Variants in PDGFRL observed in about 807,000 individuals in gnomAD.
The protein encoded by PDGFRL is platelet-derived growth factor receptor-like protein.
In PDGFRL, 46 loss-of-function variants were observed where a neutral mutation model predicts 37.2. The observed-to-expected ratio is 1.24, with a 90% confidence interval of 0.98 to 1.58. The LOEUF is 1.58. Ranked by LOEUF, PDGFRL falls within the 40% of genes most tolerant of loss-of-function variation. The pLI, the probability that PDGFRL is intolerant of heterozygous loss-of-function variation, is 0.00. For synonymous variants in PDGFRL, 251 were observed against 184.3 expected, an observed-to-expected ratio of 1.36 and a Z score of -2.93; for missense variants, 692 against 467.6, an observed-to-expected ratio of 1.48 and a Z score of -4.43.
At chr8:17,590,998 T>C (rs886927194) in intron 2 of PDGFRL, among the ~76,000 whole-genome samples, 6 of 151,404 alleles carry the variant, frequency 4.0e-5, no homozygotes, top group African/African-American at 1.5e-4. Flanking sequence ...TTCTCCTGCC[T>C]CAGCCTCCCA....
At chr8:17,626,964 G>C (rs1389644032) in intron 3 of PDGFRL, among the ~76,000 whole-genome samples, 1 of 152,218 alleles carries the variant, frequency 6.6e-6, no homozygotes, top group East Asian at 1.9e-4. Flanking sequence ...GCCAAGCCGA[G>C]AGCAGACCTG....
At chr8:17,592,388 G>A (rs1038235216) in intron 2 of PDGFRL, among the ~76,000 whole-genome samples, 1 of 152,132 alleles carries the variant, frequency 6.6e-6, no homozygotes, top group Non-Finnish European at 1.5e-5. Flanking sequence ...CCACACCTGG[G>A]CTAGGGCTTC....
At chr8:17,629,231 A>T (rs570463004) in intron 4 of PDGFRL, among the ~76,000 whole-genome samples, 1 of 151,656 alleles carries the variant, frequency 6.6e-6, no homozygotes, top group South Asian at 2.1e-4. Flanking sequence ...TGCTCGGCCC[A>T]CTTATGCCGT....
intron 2 of PDGFRL, among the ~76,000 whole-genome samples, chr8:17,599,392 G>T (rs1804120787): frequency 6.6e-6 from 1 of 152,190 alleles, no homozygotes; most frequent in Non-Finnish European, 1.5e-5. Context: ...GAGAACTTAT[G>T]ATGTTTTCTA....
At chr8:17,586,314 G>A (rs1043279085) in intron 1 of PDGFRL, among the ~76,000 whole-genome samples, 1 of 152,122 alleles carries the variant, frequency 6.6e-6, no homozygotes, top group African/African-American at 2.4e-5. Flanking sequence ...CCTTGGAAAA[G>A]CACCTCCAGC....
Position 17,589,582 on chromosome 8 carries a change from C to CA in PDGFRL, c.171dup (p.Ala58SerfsTer17). On this transcript the variant is annotated frameshift_variant, in exon 2 of 6. Transcript: ENST00000251630. LOFTEE classifies it high-confidence loss of function. ...ATTCCTAAAATGAAGGACAGGGACT[C>CA]AGCCAATTCAGCACCAAAGACGCAG... 1 of 1,613,866 alleles carries CA rather than the reference C, an allele frequency of 6.2e-7. No homozygotes were observed. Among genetic ancestry groups the CA allele is most frequent in the Non-Finnish European group, 8.5e-7 (1 of 1,179,780 alleles).
At chr8:17,616,407 A>G (rs910770762) in intron 2 of PDGFRL, among the ~76,000 whole-genome samples, 5 of 151,974 alleles carry the variant, frequency 3.3e-5, no homozygotes, top group Admixed American at 1.3e-4. Context: ...GTTGGCCAGG[A>G]TGGTCTCGAT....
At chr8:17,626,018 A>AT (rs1804726211) in intron 3 of PDGFRL, among the ~76,000 whole-genome samples, 1 of 152,120 alleles carries the variant, frequency 6.6e-6, no homozygotes, top group Non-Finnish European at 1.5e-5. Flanking sequence ...ACAAGAAGAT[A>AT]TTTTTGTGTT....
chr8:17,626,764 A>C (rs553640774), intron 3 of PDGFRL, among the ~76,000 whole-genome samples: 6 of 152,314 alleles, frequency 3.9e-5, no homozygotes, highest in Middle Eastern at 3.4e-3. Flanking sequence ...AGCACCAACA[A>C]AAATACCCCC....
chr8:17,583,746 C>G (rs1410016559), intron 1 of PDGFRL, among the ~76,000 whole-genome samples: 1 of 152,110 alleles, frequency 6.6e-6, no homozygotes, highest in Admixed American at 6.5e-5. Context: ...TCTTGCTCCA[C>G]TAATTCATGT....
chr8:17,598,002 G>C (rs1184081279), intron 2 of PDGFRL, among the ~76,000 whole-genome samples: 2 of 16,696 alleles, frequency 1.2e-4, no homozygotes, highest in Non-Finnish European at 0.018. Flanking sequence ...CCCAGCTTGT[G>C]GCTTTTTGAG....
intron 5 of PDGFRL, among the ~76,000 whole-genome samples, chr8:17,636,330 C>T (rs1338603194): frequency 6.6e-6 from 1 of 150,504 alleles, no homozygotes; most frequent in African/African-American, 2.4e-5. Flanking sequence ...TCATCATCTA[C>T]ATTTGGCTTG....
chr8:17,635,454 A>G (rs140371762), intron 5 of PDGFRL, among the ~76,000 whole-genome samples: 1 of 152,218 alleles, frequency 6.6e-6, no homozygotes, highest in Non-Finnish European at 1.5e-5. Context: ...TGCAAATGCC[A>G]TTATTTAATT....
At chr8:17,588,148 A>G (rs1283292437) in intron 1 of PDGFRL, among the ~76,000 whole-genome samples, 1 of 99,538 alleles carries the variant, frequency 1.0e-5, no homozygotes, top group East Asian at 4.7e-4. Context: ...TTTGCCAGCA[A>G]CTCTCAACAA....
chr8:17,635,144 A>C (rs1335470742), intron 5 of PDGFRL, among the ~76,000 whole-genome samples: 1 of 151,874 alleles, frequency 6.6e-6, no homozygotes, highest in Non-Finnish European at 1.5e-5. Flanking sequence ...ATATTTTGTC[A>C]TTTTTGATTT....
intron 1 of PDGFRL, among the ~76,000 whole-genome samples, chr8:17,589,096 G>C (rs567221238): frequency 6.6e-6 from 1 of 152,188 alleles, no homozygotes; most frequent in African/African-American, 2.4e-5. Context: ...AAGCTATGAG[G>C]GCTGGGCATG....
intron 1 of PDGFRL, among the ~76,000 whole-genome samples, chr8:17,578,313 G>A (rs1431343791): frequency 1.3e-5 from 2 of 152,122 alleles, no homozygotes; most frequent in African/African-American, 4.8e-5. Context: ...TTATCCACTC[G>A]TTCATCCTGA....
intron 1 of PDGFRL, among the ~76,000 whole-genome samples, chr8:17,583,818 C>T (rs953970813): frequency 2.6e-5 from 4 of 152,128 alleles, no homozygotes; most frequent in African/African-American, 9.7e-5. Context: ...CTTCTCTCTC[C>T]ATGTGATCTC....
At chr8:17,640,779 A>T (rs1398533673) in intron 5 of PDGFRL, among the ~76,000 whole-genome samples, 1 of 152,142 alleles carries the variant, frequency 6.6e-6, no homozygotes, top group East Asian at 1.9e-4. Flanking sequence ...CTTTAAAGAC[A>T]GCATTAGCTG....
Sources: gnomAD v4.1 joint callset for allele counts (sites outside exome capture counted in the v4.1 genomes callset) on GRCh38, gnomAD v4.1.1 for gene constraint, MANE v1.5 for transcripts, NCBI Gene and HGNC (gene_info 2026-07-23, HGNC 2026-07-21) for gene names.